Variants in PLPP3 observed in about 807,000 individuals in gnomAD.
PLPP3 encodes the protein phospholipid phosphatase 3.
PLPP3 carries 6 observed loss-of-function variants against 29.6 expected under a neutral mutation model. The observed-to-expected ratio is 0.20, with a 90% CI of 0.11 to 0.40. The LOEUF is 0.40. PLPP3 is among the 10% of genes least tolerant of loss of function. The pLI is 1.00. For missense variants in PLPP3, 308 were observed against 407.7 expected (o/e 0.76, Z 2.11); for synonymous variants, 152 against 159.7 (o/e 0.95, Z 0.36).
chr1:56,523,904 G>C (rs1439799272), intron 3 of PLPP3, 24 bp from the exon 4 acceptor site: 20 of 1,609,824 alleles, frequency 1.2e-5, no homozygotes, highest in Non-Finnish European at 1.5e-5. Context: ...AGAGGGCCAT[G>C]AAAGGGCCGT....
chr1:56,567,610 G>T (rs796195488), intron 1 of PLPP3, among the ~76,000 whole-genome samples: 39 of 152,022 alleles, frequency 2.6e-4, no homozygotes, highest in African/African-American at 8.4e-4. Context: ...TGTTAGCCAG[G>T]ATGGTCTCAA....
intron 5 of PLPP3, among the ~76,000 whole-genome samples, chr1:56,506,906 G>A (rs1215441272): frequency 6.6e-6 from 1 of 152,164 alleles, no homozygotes; most frequent in East Asian, 1.9e-4. Context: ...CTTCTCCTTT[G>A]TCCTGTGTAC....
intron 1 of PLPP3, among the ~76,000 whole-genome samples, chr1:56,549,894 C>T (rs145169042): frequency 6.6e-6 from 1 of 152,334 alleles, no homozygotes; most frequent in Non-Finnish European, 1.5e-5. Context: ...TTAACATTAG[C>T]TACCGCTAGA....
rs538205281 is a variant in PLPP3 at position 56,559,956 on chromosome 1, T to C, written c.139+18922A>G. Among the ~76,000 whole-genome samples the C allele has an allele frequency of 2.6e-5, 4 of 152,308 alleles. No homozygotes were observed. The East Asian group carries it at 5.8e-4, about 22-fold the overall frequency. On this transcript the variant is annotated intron_variant, in intron 1 of 5. Transcript: ENST00000371250. ...CATTCTGCTAAAGGGAATTCTTCAG[T>C]GCAGTCCCTTCCTTGACAATGGTGC...
At position 56,500,709 on chromosome 1, in the gene PLPP3, A is replaced by G. The variant is rs149638521; in HGVS notation, c.811-4033T>C. Among the ~76,000 whole-genome samples, 575 of 152,278 alleles carry G rather than the reference A, an allele frequency of 3.8e-3. 7 individuals carry two copies. Among genetic ancestry groups the G allele is most frequent in the African/African-American group, 0.013 (533 of 41,566 alleles). On this transcript the variant is annotated intron_variant, in intron 5 of 5. Transcript: ENST00000371250. The stretch of plus-strand genomic sequence containing the variant: ...GCAACATGTTGGAAAGACCTGCATT[A>G]AGATCATGTTGGAGGTCAGGTGCAG...
chr1:56,551,314 C>CTTT (rs1557511377), intron 1 of PLPP3, among the ~76,000 whole-genome samples: 71 of 133,604 alleles, frequency 5.3e-4, no homozygotes, highest in Admixed American at 9.1e-4. Flanking sequence ...CGGTTCGGTT[C>CTTT]GGTTCGGTTT....
chr1:56,543,784 T>C (rs149024336), intron 1 of PLPP3, among the ~76,000 whole-genome samples: 1 of 152,330 alleles, frequency 6.6e-6, no homozygotes, highest in Non-Finnish European at 1.5e-5. Context: ...TCTAGAGGTC[T>C]TCCTTAGCAA....
chr1:56,554,146 T>C (rs2100286813), intron 1 of PLPP3, among the ~76,000 whole-genome samples: 1 of 152,056 alleles, frequency 6.6e-6, no homozygotes, highest in East Asian at 1.9e-4. Flanking sequence ...GTCAAATAGA[T>C]TTGTGTTTAA....
intron 1 of PLPP3, among the ~76,000 whole-genome samples, chr1:56,573,328 G>A (rs937923642): frequency 6.6e-6 from 1 of 152,016 alleles, no homozygotes; most frequent in Admixed American, 6.6e-5. Context: ...TTTTCCATTC[G>A]GAAGAATTCT....
Position 56,495,605 on chromosome 1 carries a change from G to GC in PLPP3, c.*945dup, listed in dbSNP as rs2100612709. On this transcript the variant is annotated 3_prime_UTR_variant, in exon 6 of 6. Coordinates refer to ENST00000371250, the MANE Select transcript of PLPP3 (RefSeq NM_003713.5). ...AAAAGGTTGGTTCGATTTTCATTCT[G>GC]CCCCCTTCACCCTCCCATCTGTTGT... 6.5e-6 allele frequency: 1 copy of GC among 152,784 alleles called. No homozygotes were observed. Among genetic ancestry groups the GC allele is most frequent in the South Asian group, 2.1e-4 (1 of 4,826 alleles). 9.5% of individuals were successfully genotyped at this position (152,784 alleles called of 1,614,324 possible).
chr1:56,519,513 C>G (rs940625722), intron 4 of PLPP3, among the ~76,000 whole-genome samples: 1 of 152,138 alleles, frequency 6.6e-6, no homozygotes, highest in Non-Finnish European at 1.5e-5. Flanking sequence ...ATACCAAATG[C>G]TCAATGTTGG....
intron 4 of PLPP3, among the ~76,000 whole-genome samples, chr1:56,514,165 G>A (rs1251591350): frequency 1.3e-5 from 2 of 152,078 alleles, no homozygotes; most frequent in African/African-American, 2.4e-5. Flanking sequence ...AGACAGTTGA[G>A]GGATACAAGA....
At chr1:56,561,449 A>T (rs1646127642) in intron 1 of PLPP3, among the ~76,000 whole-genome samples, 2 of 152,188 alleles carry the variant, frequency 1.3e-5, no homozygotes, top group South Asian at 4.1e-4. Flanking sequence ...GACTTACAGG[A>T]AGCAGGCCTT....
rs913496125 is a variant in PLPP3 at position 56,497,326 on chromosome 1, C to T, written c.811-650G>A. Among the ~76,000 whole-genome samples, 7 of 152,188 alleles carry T rather than the reference C, an allele frequency of 4.6e-5. No individual in the cohort carries two copies. In the East Asian group the frequency reaches 1.2e-3, roughly 25 times the overall value. ...GGGATGTGACCTCACTGAGTCTGAACAATACTTGAGAAACATTTATTGAGT... is the reference window on the plus strand; with the variant it reads ...GGGATGTGACCTCACTGAGTCTGAATAATACTTGAGAAACATTTATTGAGT... On this transcript the variant is annotated intron_variant, in intron 5 of 5. Coordinates refer to ENST00000371250, the MANE Select transcript of PLPP3 (RefSeq NM_003713.5).
chr1:56,569,472 G>A (rs570063656), intron 1 of PLPP3, among the ~76,000 whole-genome samples: 6 of 152,086 alleles, frequency 3.9e-5, no homozygotes, highest in Admixed American at 2.6e-4. Context: ...GCACCCAGCC[G>A]CCTTTAGATA....
Position 56,494,993 on chromosome 1 carries a change from A to T in PLPP3, c.*1558T>A, listed in dbSNP as rs181045708. 1 of 152,754 alleles carries T rather than the reference A, an allele frequency of 6.5e-6. No individual in the cohort carries two copies. Among genetic ancestry groups the T allele is most frequent in the African/African-American group, 2.4e-5 (1 of 41,566 alleles). 9.5% of individuals were successfully genotyped at this position (152,754 alleles called of 1,614,324 possible). On this transcript the variant is annotated 3_prime_UTR_variant, in exon 6 of 6. Transcript: ENST00000371250. ...AACTATGATATTTTAGTTGATATTTAAAAAAATTAACTCAATGCTTTTTTA... is the reference window on the plus strand; with the variant it reads ...AACTATGATATTTTAGTTGATATTTTAAAAAATTAACTCAATGCTTTTTTA...
intron 1 of PLPP3, among the ~76,000 whole-genome samples, chr1:56,576,565 C>T (rs1646236932): frequency 6.6e-6 from 1 of 152,148 alleles, no homozygotes; most frequent in African/African-American, 2.4e-5. Context: ...AAACATTGAT[C>T]AATAAGTCAC....
At chr1:56,575,762 G>T (rs1031802711) in intron 1 of PLPP3, among the ~76,000 whole-genome samples, 1 of 152,036 alleles carries the variant, frequency 6.6e-6, no homozygotes, top group South Asian at 2.1e-4. Flanking sequence ...TATTCATAGG[G>T]GTTGCATTAA....
intron 1 of PLPP3, among the ~76,000 whole-genome samples, chr1:56,573,720 G>A (rs750755583): frequency 4.6e-5 from 7 of 152,164 alleles, no homozygotes; most frequent in Non-Finnish European, 7.3e-5. Context: ...CTCACATAAC[G>A]TGTACTGGAT....
Sources: gnomAD v4.1 joint callset for allele counts (sites outside exome capture counted in the v4.1 genomes callset) on GRCh38, gnomAD v4.1.1 for gene constraint, MANE v1.5 for transcripts, NCBI Gene and HGNC (gene_info 2026-07-23, HGNC 2026-07-21) for gene names.